The following XRRA1 variants were observed in gnomAD, a reference collection of about 807,000 sequenced individuals.
The protein encoded by XRRA1 is X-ray radiation resistance associated 1, also known as X-ray radiation resistance-associated protein 1.
A neutral mutation model predicts 80.2 loss-of-function variants in XRRA1; 69 were observed. That is an observed-to-expected ratio of 0.86 (90% CI 0.71 to 1.05). The LOEUF is 1.05. Ranked by LOEUF, XRRA1 falls within the 50% of genes least tolerant of loss-of-function variation. The pLI is 0.00. For synonymous variants in XRRA1, 348 were observed against 389.9 expected (o/e 0.89, Z 1.27); for missense variants, 967 against 976.4 (o/e 0.99, Z 0.13).
intron 8 of XRRA1, among the ~76,000 whole-genome samples, chr11:74,917,780 G>T (rs1412685464): frequency 6.6e-6 from 1 of 151,998 alleles, no homozygotes; most frequent in African/African-American, 2.4e-5. Context: ...TGATTTACAG[G>T]TCTTAGTTCC....
intron 12 of XRRA1, 74 bp from the exon 13 acceptor site, chr11:74,852,156 A>G (rs185922140): frequency 8.1e-7 from 1 of 1,227,684 alleles, no homozygotes; most frequent in African/African-American, 1.5e-5. Flanking sequence ...TAGGCCCCTC[A>G]CTGCAGGGCT....
rs114240590 is a variant in XRRA1, at chr11:74,865,406, C to G, written c.1004-2385G>C. 2.5e-3 allele frequency among the ~76,000 whole-genome samples: 376 copies of G among 152,316 alleles called. 2 individuals are homozygous for G. The highest frequency in any genetic ancestry group is 8.7e-3 in the African/African-American group (362 of 41,566). ...AAGACAGGGCTCTCTAGCCTCTGTT[C>G]CACAGCAGATCCCAAGGGGGCCTAT... On this transcript the variant is annotated intron_variant, in intron 10 of 18. Transcript: ENST00000684022.
At chr11:74,908,282 T>C (rs553326119) in intron 8 of XRRA1, among the ~76,000 whole-genome samples, 11 of 152,224 alleles carry the variant, frequency 7.2e-5, no homozygotes, top group East Asian at 1.9e-4. Context: ...GCAACTTGCC[T>C]GAAGTCGCAT....
At chr11:74,923,033 T>C (rs568048382) in intron 7 of XRRA1, among the ~76,000 whole-genome samples, 3 of 152,284 alleles carry the variant, frequency 2.0e-5, no homozygotes, top group Admixed American at 2.0e-4. Flanking sequence ...GCTGCTGGGA[T>C]AGATGTCTGA....
At chr11:74,845,007 A>T in intron 16 of XRRA1, 66 bp downstream of exon 16, 1 of 1,543,042 alleles carries the variant, frequency 6.5e-7, no homozygotes, top group African/African-American at 1.4e-5. Context: ...CCTTGGCTTG[A>T]CCCTGACTTG....
intron 12 of XRRA1, 86 bp downstream of exon 12, chr11:74,859,072 G>A: frequency 6.9e-7 from 1 of 1,446,480 alleles, no homozygotes; most frequent in Non-Finnish European, 9.1e-7. Flanking sequence ...GGAATTGAAT[G>A]GAGGGTTGGT....
intron 8 of XRRA1, among the ~76,000 whole-genome samples, chr11:74,914,843 C>T (rs978466613): frequency 6.6e-6 from 1 of 151,910 alleles, no homozygotes; most frequent in African/African-American, 2.4e-5. Flanking sequence ...AACAGAAATC[C>T]CCCATCAAGT....
At chr11:74,883,906 A>AT (rs1422583562) in intron 10 of XRRA1, among the ~76,000 whole-genome samples, 2 of 152,164 alleles carry the variant, frequency 1.3e-5, no homozygotes, top group Non-Finnish European at 2.9e-5. Context: ...ACAAGAAATT[A>AT]TTTTTTTCCA....
At position 74,841,243 on chromosome 11, in the gene XRRA1, C is replaced by G. The variant is rs956824473; in HGVS notation, c.*1957G>C. The G allele has an allele frequency of 6.6e-6, 1 of 152,132 alleles. No individual in the cohort carries two copies. Among genetic ancestry groups the G allele is most frequent in the African/African-American group, 2.4e-5 (1 of 41,422 alleles). The allele number at this position is 152,132 out of a possible 1,614,324, so 9.4% of individuals were successfully genotyped here. On this transcript the variant is annotated 3_prime_UTR_variant, in exon 19 of 19. Coordinates refer to ENST00000684022, the MANE Select transcript of XRRA1 (RefSeq NM_001378157.1). ...TCAACCCATAGAGTGGTCTTTTGAA[C>G]TGGTATCTAAACATACCTGGTTATG... is the stretch of plus-strand genomic sequence containing the variant.
Position 74,843,076 on chromosome 11 carries a change from G to T in XRRA1, c.*124C>A. The stretch of plus-strand genomic sequence containing the variant: ...GATGCCACCTTGTGGCCAGCAAGTG[G>T]GGCCCAGCTGAGCTCTGAGGCCTGT... On this transcript the variant is annotated 3_prime_UTR_variant, in exon 19 of 19. Transcript: ENST00000684022. 7.6e-7 allele frequency: 1 copy of T among 1,323,048 alleles called. No individual in the cohort carries two copies. The highest frequency in any genetic ancestry group is 1.0e-6 in the Non-Finnish European group (1 of 994,864). 82.0% of individuals were successfully genotyped at this position (1,323,048 alleles called of 1,614,324 possible).
intron 5 of XRRA1, chr11:74,931,751 C>T (rs951159092): frequency 2.6e-5 from 4 of 152,202 alleles, no homozygotes; most frequent in Non-Finnish European, 5.9e-5. Context: ...TTCTTATACA[C>T]ACCTCCTATT....
chr11:74,891,977 G>T (rs926948138), intron 10 of XRRA1, among the ~76,000 whole-genome samples: 83 of 152,262 alleles, frequency 5.5e-4, no homozygotes, highest in African/African-American at 1.9e-3. Context: ...TGGCCATACT[G>T]CCCAAGGTAA....
chr11:74,843,521 A>C, intron 18 of XRRA1, 68 bp from the exon 19 acceptor site: 1 of 1,551,726 alleles, frequency 6.4e-7, no homozygotes, highest in Non-Finnish European at 8.7e-7. Flanking sequence ...AAGCAAGAGG[A>C]TTGGGTCCAG....
At chr11:74,851,887 C>A in intron 13 of XRRA1, 102 bp downstream of exon 13, 1 of 996,792 alleles carries the variant, frequency 1.0e-6, no homozygotes, top group Non-Finnish European at 1.6e-6. Context: ...CACCCCGACA[C>A]AGAGTAGATC....
At chr11:74,904,933 G>A (rs1205491343) in intron 10 of XRRA1, among the ~76,000 whole-genome samples, 2 of 146,052 alleles carry the variant, frequency 1.4e-5, no homozygotes, top group Non-Finnish European at 3.0e-5. Context: ...AGGAGATACT[G>A]ACAAATCTAC....
intron 8 of XRRA1, among the ~76,000 whole-genome samples, chr11:74,914,101 TCA>T (rs568239884): frequency 3.9e-4 from 60 of 152,324 alleles, no homozygotes; most frequent in African/African-American, 1.4e-3. Flanking sequence ...TTCTCCTGCT[TCA>T]GTCTCCCGAG....
At chr11:74,931,623 C>T (rs1299184913) in intron 5 of XRRA1, 1 of 152,202 alleles carries the variant, frequency 6.6e-6, no homozygotes, top group African/African-American at 2.4e-5. Context: ...CCACGCCTAG[C>T]CCTAGTTCAA....
intron 2 of XRRA1, among the ~76,000 whole-genome samples, chr11:74,942,958 G>A (rs548138200): frequency 6.6e-6 from 1 of 152,358 alleles, no homozygotes; most frequent in Non-Finnish European, 1.5e-5. Context: ...GAGAAAGCAG[G>A]AAGAAGGGCA....
At chr11:74,906,158 A>C in intron 10 of XRRA1, 81 bp downstream of exon 10, 1 of 1,334,934 alleles carries the variant, frequency 7.5e-7, no homozygotes, top group Non-Finnish European at 1.0e-6. Flanking sequence ...CACCATGACC[A>C]AGTGAGACTT....
Sources: gnomAD v4.1 joint callset for allele counts (sites outside exome capture counted in the v4.1 genomes callset) on GRCh38, gnomAD v4.1.1 for gene constraint, MANE v1.5 for transcripts, NCBI Gene and HGNC (gene_info 2026-07-23, HGNC 2026-07-21) for gene names.